Variants in PIK3C3 observed in about 807,000 individuals in gnomAD.
PIK3C3 encodes phosphatidylinositol 3-kinase catalytic subunit type 3, also known as PI3-kinase type 3.
Under a neutral mutation model 126.1 loss-of-function variants are expected in PIK3C3, and 95 were observed. That is an observed-to-expected ratio of 0.75 (90% CI 0.64 to 0.89). The LOEUF (loss-of-function observed/expected upper bound fraction) is 0.89. PIK3C3 is among the 40% of genes least tolerant of loss of function. PIK3C3 has a pLI of 0.00. For synonymous variants in PIK3C3, 374 were observed against 360.0 expected, an observed-to-expected ratio of 1.04 and a Z score of -0.44; for missense variants, 829 against 1,063.2, an observed-to-expected ratio of 0.78 and a Z score of 3.06.
chr18:42,082,966 T>C lies in PIK3C3; in HGVS notation c.*1829T>C, dbSNP rs903722977. ...CAGACACTGACAACTAGTAAGGAAG[T>C]TGATCATGAGTAACTTTGTATTCAG... On this transcript the variant is annotated 3_prime_UTR_variant, in exon 25 of 25. Transcript: ENST00000262039. 6.6e-6 allele frequency: 1 copy of C among 152,168 alleles called. No individual in the cohort carries two copies. The highest frequency in any genetic ancestry group is 1.5e-5 in the Non-Finnish European group (1 of 68,030). 9.4% of individuals were successfully genotyped at this position (152,168 alleles called of 1,614,324 possible). A position where few individuals can be genotyped will look rare whatever the true frequency, so the allele number is the denominator to read the frequency against.
chr18:41,955,420 G>A (rs1352056665), intron 1 of PIK3C3, 61 bp downstream of exon 1: 2 of 1,427,342 alleles, frequency 1.4e-6, no homozygotes, highest in African/African-American at 1.4e-5. Flanking sequence ...GGGGGCAGGG[G>A]CCTGTTGGGA....
chr18:42,060,051 A>G (rs1203411572), intron 22 of PIK3C3, among the ~76,000 whole-genome samples: 1 of 152,140 alleles, frequency 6.6e-6, no homozygotes, highest in Non-Finnish European at 1.5e-5. Context: ...CTGGGATTAC[A>G]GACATAAACC....
chr18:42,056,624 A>G (rs1292915656), intron 21 of PIK3C3, among the ~76,000 whole-genome samples: 1 of 152,178 alleles, frequency 6.6e-6, no homozygotes, highest in East Asian at 1.9e-4. Flanking sequence ...TTGGGGCAGA[A>G]TCATGTGTAT....
chr18:41,964,612 A>G (rs1280000193), intron 3 of PIK3C3, among the ~76,000 whole-genome samples: 2 of 152,154 alleles, frequency 1.3e-5, no homozygotes, highest in Non-Finnish European at 2.9e-5. Context: ...GGATAGTATT[A>G]TAAAATGTTT....
At chr18:42,015,716 C>G (rs1567984385) in intron 12 of PIK3C3, 150 bp downstream of exon 12, 1 of 626,694 alleles carries the variant, frequency 1.6e-6, no homozygotes, top group Admixed American at 2.8e-5. Flanking sequence ...TATAACTTTT[C>G]CCCCTCAGCA....
At position 42,067,370 on chromosome 18, in the gene PIK3C3, A is replaced by C. The variant is rs751070368; in HGVS notation, c.2524-18A>C. The C allele has an allele frequency of 6.2e-7, 1 of 1,613,276 alleles. No individual in the cohort carries two copies. Among genetic ancestry groups the C allele is most frequent in the South Asian group, 1.1e-5 (1 of 90,982 alleles). On this transcript the variant is annotated intron_variant, in intron 23 of 24. Transcript: ENST00000262039. Reference sequence around the variant, plus strand: ...CCTATTTTTCTTCGTTGTAAAGACTAAGAGTGTTATCTTATAGGTTCAGGA... The same window carrying C: ...CCTATTTTTCTTCGTTGTAAAGACTCAGAGTGTTATCTTATAGGTTCAGGA...
intron 2 of PIK3C3, among the ~76,000 whole-genome samples, chr18:41,961,949 G>A (rs1383815958): frequency 1.3e-5 from 2 of 152,140 alleles, no homozygotes; most frequent in Non-Finnish European, 2.9e-5. Flanking sequence ...GAAATCATTT[G>A]AGGAACAGAA....
In PIK3C3 at chr18:42,006,859, TC is replaced by T. The variant is rs1982571144; in HGVS notation, c.1170+2319del. ...GGTGGGTATGTTTTAAAAATCATAT[TC>T]TTTTTTTTTTTTTTTTTTTTTGAGA... On this transcript the variant is annotated intron_variant, in intron 10 of 24. Transcript: ENST00000262039. Among the ~76,000 whole-genome samples the T allele has an allele frequency of 2.8e-5, 4 of 142,126 alleles. No individual in the cohort carries two copies. The East Asian group carries it at 6.3e-4, about 22-fold the overall frequency. 93.2% of individuals were successfully genotyped at this position (142,126 alleles called of 152,430 possible).
intron 14 of PIK3C3, among the ~76,000 whole-genome samples, chr18:42,029,078 A>G (rs1983701914): frequency 6.6e-6 from 1 of 152,214 alleles, no homozygotes; most frequent in Non-Finnish European, 1.5e-5. Flanking sequence ...GTGGGAAAAA[A>G]ATGCGGTTGT....
At chr18:41,992,035 A>C (rs911404394) in intron 6 of PIK3C3, among the ~76,000 whole-genome samples, 1 of 152,200 alleles carries the variant, frequency 6.6e-6, no homozygotes, top group Admixed American at 6.5e-5. Flanking sequence ...GATGTGAAGG[A>C]TCCTTTGAAA....
At chr18:42,010,618 G>A (rs1006791716) in intron 10 of PIK3C3, among the ~76,000 whole-genome samples, 2 of 152,164 alleles carry the variant, frequency 1.3e-5, no homozygotes, top group Non-Finnish European at 1.5e-5. Flanking sequence ...CACCCACCTC[G>A]GCCTCCCAAA....
At chr18:42,055,568 G>T (rs532208416) in intron 21 of PIK3C3, among the ~76,000 whole-genome samples, 1 of 152,064 alleles carries the variant, frequency 6.6e-6, no homozygotes, top group Admixed American at 6.6e-5. Context: ...GGAAAAAATG[G>T]TAAATAAATG....
chr18:42,036,904 T>C (rs1020018439), intron 16 of PIK3C3, among the ~76,000 whole-genome samples: 1 of 152,152 alleles, frequency 6.6e-6, no homozygotes, highest in Non-Finnish European at 1.5e-5. Flanking sequence ...TGGAAAATCC[T>C]CCAGCTGACT....
At position 42,058,029 on chromosome 18, in the gene PIK3C3, ACG is replaced by A; in HGVS notation, c.2411_2412del (p.Thr804SerfsTer10). On this transcript the variant is annotated frameshift_variant, in exon 22 of 25. Coordinates refer to ENST00000262039, the MANE Select transcript of PIK3C3 (RefSeq NM_002647.4). LOFTEE classifies it high-confidence loss of function. Reference sequence around the variant, plus strand: ...CCAAGAGTTCCGTAAACAGTGTTACACGGCTTTCCTCCACCTGCGAAGGTAAG... The same window carrying A: ...CCAAGAGTTCCGTAAACAGTGTTACAGCTTTCCTCCACCTGCGAAGGTAAG... ...QYQEFRKQCY[T>X]AFLHLRRYSN... 1 of 1,595,348 alleles carries A rather than the reference ACG, an allele frequency of 6.3e-7. No homozygotes were observed. The highest frequency in any genetic ancestry group is 8.5e-7 in the Non-Finnish European group (1 of 1,172,084).
chr18:42,003,792 G>C (rs910582152), intron 9 of PIK3C3, among the ~76,000 whole-genome samples: 5 of 152,134 alleles, frequency 3.3e-5, no homozygotes, highest in African/African-American at 1.2e-4. Flanking sequence ...TTGAGGTTTT[G>C]TTGGATTGCC....
At chr18:42,000,069 T>C (rs1982212094) in intron 9 of PIK3C3, among the ~76,000 whole-genome samples, 1 of 152,206 alleles carries the variant, frequency 6.6e-6, no homozygotes, top group Non-Finnish European at 1.5e-5. Context: ...TTTTTTTCTT[T>C]GGAGACAGAG....
rs1234590237 is a variant in PIK3C3, at chr18:42,087,413, C to G, written c.*6276C>G. 1 of 152,148 alleles carries G rather than the reference C, an allele frequency of 6.6e-6. No individual in the cohort carries two copies. Among genetic ancestry groups the G allele is most frequent in the Non-Finnish European group, 1.5e-5 (1 of 68,034 alleles). 9.4% of individuals were successfully genotyped at this position (152,148 alleles called of 1,614,324 possible). ...CCCTAATCTTATGCAAATGGGCTTT[C>G]CAGTTGATTGGGTCCATCTTGTGTA... On this transcript the variant is annotated 3_prime_UTR_variant, in exon 25 of 25. Transcript: ENST00000262039.
chr18:42,029,896 TTA>T (rs751305239), intron 15 of PIK3C3, among the ~76,000 whole-genome samples: 1 of 151,982 alleles, frequency 6.6e-6, no homozygotes, highest in Admixed American at 6.6e-5. Context: ...TTTTATGAGT[TTA>T]TATATATATT....
At chr18:42,065,818 A>G (rs1290926172) in intron 23 of PIK3C3, among the ~76,000 whole-genome samples, 1 of 152,208 alleles carries the variant, frequency 6.6e-6, no homozygotes, top group Non-Finnish European at 1.5e-5. Context: ...GGACAGCCTA[A>G]CATAAGTCAG....
Sources: allele counts gnomAD v4.1 joint callset (sites outside exome capture counted in the v4.1 genomes callset), GRCh38; gene constraint gnomAD v4.1.1; transcripts MANE v1.5; gene names NCBI Gene and HGNC (gene_info 2026-07-23, HGNC 2026-07-21).